LCA5L: variants seen among roughly 807,000 people sequenced by gnomAD.
The protein encoded by LCA5L is lebercilin LCA5 like.
LCA5L carries 35 observed loss-of-function variants against 45.4 expected under a neutral mutation model. That is an observed-to-expected ratio of 0.77 (90% CI 0.59 to 1.02). LCA5L has a LOEUF of 1.02. Among genes scored for constraint, LCA5L ranks in the 50% least tolerant of loss-of-function variants. LCA5L has a pLI of 0.00. For missense variants in LCA5L, 668 were observed against 761.6 expected, an observed-to-expected ratio of 0.88 and a Z score of 1.45; for synonymous variants, 233 against 264.7, an observed-to-expected ratio of 0.88 and a Z score of 1.16.
Position 39,410,292 on chromosome 21 carries a change from T to G in LCA5L, c.1136A>C (p.Lys379Thr), listed in dbSNP as rs959633672. 4 of 1,609,448 alleles carry G rather than the reference T, an allele frequency of 2.5e-6. 1 individual carries two copies. The Admixed American group carries it at 5.1e-5, about 20-fold the overall frequency. The change falls in exon 9 of 11, where the codon AAA becomes ACA. Residue 379 changes from lysine to threonine, a missense_variant. Lys to Thr is a moderately conservative substitution (Grantham distance 78). Coordinates refer to ENST00000288350, the MANE Select transcript of LCA5L (RefSeq NM_152505.4). ...AGTTGTCAAAGGTGGAACATCTGAT[T>G]TTTGGGTTCCCTGGTGTCTCATACT... ...FTSMRHQGTQ[K>T]SDVPPLTTKG...
At chr21:39,433,792 T>A (rs1429416726) in intron 3 of LCA5L, among the ~76,000 whole-genome samples, 1 of 142,832 alleles carries the variant, frequency 7.0e-6, no homozygotes, top group Non-Finnish European at 1.5e-5. Context: ...TGAGAGAGGG[T>A]CTTCTTCTAT....
chr21:39,419,856 G>A (rs1447654375), intron 7 of LCA5L, among the ~76,000 whole-genome samples: 1 of 152,056 alleles, frequency 6.6e-6, no homozygotes, highest in Non-Finnish European at 1.5e-5. Context: ...AATCTTGAAG[G>A]CAGAAAGATA....
chr21:39,437,102 G>A (rs114987023), intron 2 of LCA5L, among the ~76,000 whole-genome samples: 18 of 152,180 alleles, frequency 1.2e-4, no homozygotes, highest in South Asian at 4.2e-4. Context: ...TTAATGTTCC[G>A]GATGCCTCTG....
Position 39,406,304 on chromosome 21 carries a change from C to A in LCA5L, c.1591G>T (p.Glu531Ter). ...RRHYSFTEATENLHHGLPASG... is the reference protein window; with the variant it reads ...RRHYSFTEAT The stretch of plus-strand genomic sequence containing the variant: ...GCAGGAAGCCCATGATGCAGGTTTT[C>A]AGTTGCTTCTGTGAATGAGTAATGT... Residue 531 changes from glutamate to a stop codon, truncating the protein, a stop_gained, in exon 11 of 11, where the codon GAA (glutamate) becomes TAA (stop). Transcript: ENST00000288350. LOFTEE classifies it low-confidence loss of function (END_TRUNC). 6.2e-7 allele frequency: 1 copy of A among 1,614,200 alleles called. No homozygotes were observed. The highest frequency in any genetic ancestry group is 1.1e-5 in the South Asian group (1 of 91,086).
chr21:39,416,817 TAA>T (rs1254410954), intron 7 of LCA5L, among the ~76,000 whole-genome samples: 1 of 152,232 alleles, frequency 6.6e-6, no homozygotes, highest in Non-Finnish European at 1.5e-5. Context: ...GATTTTTTTG[TAA>T]AGTTATTTGT....
chr21:39,416,177 AAT>A (rs2041120533), intron 7 of LCA5L, among the ~76,000 whole-genome samples: 1 of 152,132 alleles, frequency 6.6e-6, no homozygotes, highest in African/African-American at 2.4e-5. Context: ...GGAAGGTAAA[AAT>A]GTTTGCTTCT....
At chr21:39,412,631 C>T (rs569662896) in intron 7 of LCA5L, among the ~76,000 whole-genome samples, 69 of 150,816 alleles carry the variant, frequency 4.6e-4, no homozygotes, top group Admixed American at 8.5e-4. Flanking sequence ...GGGGGTGGGG[C>T]GGGGAGAGAG....
At chr21:39,410,439 A>G in intron 8 of LCA5L, 72 bp from the exon 9 acceptor site, 1 of 787,044 alleles carries the variant, frequency 1.3e-6, no homozygotes, top group Non-Finnish European at 2.1e-6. Flanking sequence ...TAAACATAAA[A>G]TAACTTTTAT....
chr21:39,422,862 C>A, intron 6 of LCA5L, 114 bp downstream of exon 6: 1 of 968,538 alleles, frequency 1.0e-6, no homozygotes, highest in Non-Finnish European at 1.6e-6. Context: ...TGCAGCACGC[C>A]AAGTGAAGCA....
At chr21:39,414,713 CCTCTCTCTCT>C (rs147915021) in intron 7 of LCA5L, among the ~76,000 whole-genome samples, 5 of 119,882 alleles carry the variant, frequency 4.2e-5, no homozygotes, top group Admixed American at 9.0e-5. Context: ...TGGTTCTCTC[CCTCTCTCTCT>C]CTCTCTCTCT....
At chr21:39,433,215 G>A (rs576992385) in intron 3 of LCA5L, among the ~76,000 whole-genome samples, 31 of 152,118 alleles carry the variant, frequency 2.0e-4, no homozygotes, top group Admixed American at 5.2e-4. Context: ...TCAGGAGTTC[G>A]TGACCAGCCT....
In LCA5L at chr21:39,423,095, C is replaced by T. The variant is rs773416355; in HGVS notation, c.718G>A (p.Asp240Asn). 1 of 1,613,838 alleles carries T rather than the reference C, an allele frequency of 6.2e-7. No homozygotes were observed. The highest frequency in any genetic ancestry group is 1.3e-5 in the African/African-American group (1 of 74,948). ...ETDSQLLKTKDILQALQKLSE... is the reference protein window; with the variant it reads ...ETDSQLLKTKNILQALQKLSE... ...AGTTTCTGCAGTGCCTGCAAGATAT[C>T]TTTAGTCTTCAGTAACTGGCTGTCA... The change falls in exon 6 of 11, where the codon GAT becomes AAT. Residue 240 changes from aspartate (D) to asparagine (N), a missense_variant. By Grantham distance (23) the Asp-to-Asn change is conservative. Transcript: ENST00000288350.
intron 7 of LCA5L, among the ~76,000 whole-genome samples, chr21:39,419,523 CAAAAAAAAAAAAG>C (rs2041907629): frequency 8.1e-6 from 1 of 123,556 alleles, no homozygotes; most frequent in African/African-American, 3.6e-5. Flanking sequence ...AGACCCTGTT[CAAAAAAAAAAAAG>C]AAAAAAGAAA....
intron 3 of LCA5L, among the ~76,000 whole-genome samples, chr21:39,432,973 T>C (rs981270342): frequency 1.3e-5 from 2 of 152,228 alleles, no homozygotes; most frequent in Non-Finnish European, 2.9e-5. Flanking sequence ...ACAAATAAAA[T>C]TGCTGTGAAT....
chr21:39,406,544 T>G lies in LCA5L; in HGVS notation c.1351A>C (p.Lys451Gln), dbSNP rs2039087753. The stretch of plus-strand genomic sequence containing the variant: ...TTTTTCTTTTCTTGGTCTTCTTTTT[T>G]GTCTTTTTGTCTTCCAGTATTCTCC... ...LLENTGRQKD[K>Q]KEDQEKKNIF... is the part of the protein sequence containing the mutation. The change falls in exon 11 of 11, where the codon AAA becomes CAA. Residue 451 changes from lysine (K) to glutamine (Q), a missense_variant. Transcript: ENST00000288350. 6.2e-7 allele frequency: 1 copy of G among 1,611,336 alleles called. No homozygotes were observed. The highest frequency in any genetic ancestry group is 1.7e-5 in the Admixed American group (1 of 59,476).
intron 2 of LCA5L, among the ~76,000 whole-genome samples, chr21:39,442,169 G>A (rs993319372): frequency 6.6e-6 from 1 of 152,142 alleles, no homozygotes; most frequent in Non-Finnish European, 1.5e-5. Flanking sequence ...AAGGGTCAGT[G>A]GGAACTAATT....
At chr21:39,445,057 G>C (rs558839432) in intron 1 of LCA5L, among the ~76,000 whole-genome samples, 1 of 150,552 alleles carries the variant, frequency 6.6e-6, no homozygotes, top group African/African-American at 2.5e-5. Flanking sequence ...TCTAGGGATT[G>C]AGTGTAGACA....
rs569364432 is a variant in LCA5L, at chr21:39,420,706, C to T, written c.975G>A (p.Lys325=). 6 of 1,607,110 alleles carry T rather than the reference C, an allele frequency of 3.7e-6. No homozygotes were observed. In the African/African-American group the frequency reaches 4.0e-5, roughly 11 times the overall value. The change falls in exon 7 of 11, where the codon AAG becomes AAA. Residue 325 remains lysine (K), a splice_region_variant and synonymous_variant. Transcript: ENST00000288350. ...TTACATTTTGTTTTAAAAGAAATACCTTAAGTTTTTGTTGAAGGTGTTTTA... is the reference window on the plus strand; with the variant it reads ...TTACATTTTGTTTTAAAAGAAATACTTTAAGTTTTTGTTGAAGGTGTTTTA... ...VEVKHLQQKL[K]EKDRELEIKN...
chr21:39,437,339 T>C (rs2076381649), intron 2 of LCA5L, among the ~76,000 whole-genome samples: 1 of 152,226 alleles, frequency 6.6e-6, no homozygotes, highest in South Asian at 2.1e-4. Flanking sequence ...CTGGAGGTAC[T>C]AGGTCTAAAT....
Sources: gnomAD v4.1 joint callset for allele counts (sites outside exome capture counted in the v4.1 genomes callset) on GRCh38, gnomAD v4.1.1 for gene constraint, MANE v1.5 for transcripts, NCBI Gene and HGNC (gene_info 2026-07-23, HGNC 2026-07-21) for gene names.